The following JMJD7 variants were observed in gnomAD, a reference collection of about 807,000 sequenced individuals.
JMJD7 encodes the protein jumonji domain containing 7.
Under a neutral mutation model 41.1 loss-of-function variants are expected in JMJD7, and 41 were observed. The ratio of observed to expected loss-of-function variants is 1.00; its 90% CI spans 0.78 to 1.30. The LOEUF is 1.30. Ranked by LOEUF, JMJD7 falls within the 50% of genes most tolerant of loss-of-function variation. The pLI is 0.00. For missense variants in JMJD7, 480 were observed against 420.7 expected (o/e 1.14, Z -1.23); for synonymous variants, 202 against 177.2 (o/e 1.14, Z -1.11).
In JMJD7 at chr15:41,831,896, G is replaced by A. The variant is rs753431769; in HGVS notation, c.65-2844G>A. 2.0e-4 allele frequency among the ~76,000 whole-genome samples: 31 copies of A among 152,170 alleles called. 1 individual carries two copies. Among genetic ancestry groups the A allele is most frequent in the Non-Finnish European group, 3.8e-4 (26 of 68,034 alleles). On this transcript the variant is annotated intron_variant, in intron 1 of 7. Coordinates refer to ENST00000397299, the MANE Select transcript of JMJD7 (RefSeq NM_001114632.2). ...TAACATGAAGAGGACTGAACCATGC[G>A]TCTTGCTCGCCACATTGTGGGTGTC...
Position 41,831,631 on chromosome 15 carries a change from C to G in JMJD7, c.65-3109C>G, listed in dbSNP as rs575470724. On this transcript the variant is annotated intron_variant, in intron 1 of 7. Coordinates refer to ENST00000397299, the MANE Select transcript of JMJD7 (RefSeq NM_001114632.2). ...GAACAAAGCTCTGCTGAGCTGAACA[C>G]TCAACAGGACTACCTGCCTGCAGAG... Among the ~76,000 whole-genome samples, 12 of 152,310 alleles carry G rather than the reference C, an allele frequency of 7.9e-5. 1 individual carries two copies. In the South Asian group the frequency reaches 2.1e-3, roughly 26 times the overall value.
intron 1 of JMJD7, among the ~76,000 whole-genome samples, chr15:41,833,608 A>G (rs1295890530): frequency 6.6e-6 from 1 of 150,992 alleles, no homozygotes. Context: ...TTTTGTAGAG[A>G]TGGGGTCTCC....
chr15:41,834,780 C>G lies in JMJD7; in HGVS notation c.105C>G (p.Pro35=). ...TTGCTGTGCCCTACCTGGACAAACC[C>G]CCAACTCCGCTCCACTTCTACCGGG... ...VPLAVPYLDK[P]PTPLHFYRDW... Residue 35 remains proline, a synonymous_variant, in exon 2 of 8, where the codon CCC becomes CCG. Coordinates refer to ENST00000397299, the MANE Select transcript of JMJD7 (RefSeq NM_001114632.2). 6.2e-7 allele frequency: 1 copy of G among 1,614,184 alleles called. No homozygotes were observed. The highest frequency in any genetic ancestry group is 8.5e-7 in the Non-Finnish European group (1 of 1,180,044).
At chr15:41,836,750 GGCT>G (rs1366015262) in intron 6 of JMJD7, 28 bp from the exon 7 acceptor site, 1 of 1,575,930 alleles carries the variant, frequency 6.3e-7, no homozygotes, top group South Asian at 1.1e-5. Flanking sequence ...GGGTCTGGGG[GGCT>G]GCTCCCTGGC....
In JMJD7 at chr15:41,836,185, C is replaced by G; in HGVS notation, c.567C>G (p.Val189=). ...ACTATGAGAACCTCTACTGCGTGGT[C>G]TCAGGAGAGAAGCATTTCCTGTTCC... ...KDHYENLYCV[V]SGEKHFLFHP... is the part of the protein sequence containing the mutation. The change falls in exon 5 of 8, where the codon GTC becomes GTG. Residue 189 remains valine (V), a synonymous_variant. Transcript: ENST00000397299. 4 of 1,612,428 alleles carry G rather than the reference C, an allele frequency of 2.5e-6. No individual in the cohort carries two copies. Among genetic ancestry groups the G allele is most frequent in the Non-Finnish European group, 2.5e-6 (3 of 1,179,142 alleles).
chr15:41,830,530 T>A (rs2065214997), intron 1 of JMJD7, among the ~76,000 whole-genome samples: 1 of 152,056 alleles, frequency 6.6e-6, no homozygotes, highest in African/African-American at 2.4e-5. Context: ...CTAGGCGCAA[T>A]TACAGCCACC....
At chr15:41,834,671 A>T (rs2140879350) in intron 1 of JMJD7, 69 bp from the exon 2 acceptor site, 17 of 1,569,028 alleles carry the variant, frequency 1.1e-5, no homozygotes, top group Non-Finnish European at 1.5e-5. Flanking sequence ...CAGGGAGGGC[A>T]TCTCTTGGGC....
chr15:41,835,896 C>T (rs2065305846), intron 4 of JMJD7, among the ~76,000 whole-genome samples: 1 of 152,186 alleles, frequency 6.6e-6, no homozygotes, highest in African/African-American at 2.4e-5. Flanking sequence ...GCCCGCTGGG[C>T]CAGGGGGTAA....
intron 1 of JMJD7, chr15:41,832,564 G>C (rs1346194370): frequency 1.3e-5 from 2 of 152,468 alleles, no homozygotes; most frequent in East Asian, 3.8e-4. Context: ...CCACTTTGCT[G>C]TCTCCTGGAT....
intron 1 of JMJD7, among the ~76,000 whole-genome samples, chr15:41,830,849 G>T (rs746588085): frequency 6.6e-6 from 1 of 152,262 alleles, no homozygotes; most frequent in African/African-American, 2.4e-5. Context: ...TGGCCTTTGG[G>T]TGCCAACGAG....
intron 1 of JMJD7, among the ~76,000 whole-genome samples, chr15:41,829,511 C>A (rs1596109848): frequency 6.6e-6 from 1 of 152,190 alleles, no homozygotes; most frequent in South Asian, 2.1e-4. Context: ...CAAGGCTGGT[C>A]TCAGATTCCT....
intron 1 of JMJD7, 40 bp downstream of exon 1, chr15:41,828,228 C>G: frequency 1.3e-6 from 2 of 1,486,756 alleles, no homozygotes; most frequent in Non-Finnish European, 1.8e-6. Flanking sequence ...TTTCCGAACA[C>G]GGGAGGGGCC....
chr15:41,836,108 C>T, intron 4 of JMJD7, 40 bp from the exon 5 acceptor site: 7 of 1,545,156 alleles, frequency 4.5e-6, no homozygotes, highest in Non-Finnish European at 6.1e-6. Context: ...CGTGCCCCTG[C>T]CCTCCATACC....
intron 1 of JMJD7, among the ~76,000 whole-genome samples, chr15:41,834,114 TG>T (rs1316315330): frequency 6.6e-6 from 1 of 152,200 alleles, no homozygotes; most frequent in Non-Finnish European, 1.5e-5. Flanking sequence ...GAGATGGTGA[TG>T]CTGTTCAGCA....
Position 41,828,368 on chromosome 15 carries a change from G to A in JMJD7, c.64+180G>A. 4.2e-6 allele frequency: 3 copies of A among 710,038 alleles called. 1 individual carries two copies. In the South Asian group the frequency reaches 9.3e-5, roughly 22 times the overall value. The allele number at this position is 710,038 out of a possible 1,614,324, so 44.0% of individuals were successfully genotyped here. Reference sequence around the variant, plus strand: ...TTCGCGCGCTCCCGCGGCTTCCTGGGTGATTCTGTTCACGTTGTTCCCAAG... The same window carrying A: ...TTCGCGCGCTCCCGCGGCTTCCTGGATGATTCTGTTCACGTTGTTCCCAAG... On this transcript the variant is annotated intron_variant, in intron 1 of 7. Transcript: ENST00000397299.
intron 1 of JMJD7, among the ~76,000 whole-genome samples, chr15:41,830,142 G>T (rs2065208314): frequency 6.6e-6 from 1 of 152,126 alleles, no homozygotes; most frequent in Admixed American, 6.5e-5. Context: ...TGGCTGGGCA[G>T]GACCTGCTCC....
rs570723604 is a variant in JMJD7, at chr15:41,829,913, G to A, written c.64+1725G>A. 3.3e-5 allele frequency among the ~76,000 whole-genome samples: 5 copies of A among 152,346 alleles called. No individual in the cohort carries two copies. The East Asian group carries it at 9.6e-4, about 29-fold the overall frequency. On this transcript the variant is annotated intron_variant, in intron 1 of 7. Transcript: ENST00000397299. ...GTGAGACACCATCGTGTGGTGGCAT[G>A]TGCCTGTAGTCCCACCTCCTGAGGC... is the stretch of plus-strand genomic sequence containing the variant.
chr15:41,828,722 T>C (rs922926835), intron 1 of JMJD7, among the ~76,000 whole-genome samples: 1 of 152,218 alleles, frequency 6.6e-6, no homozygotes, highest in Non-Finnish European at 1.5e-5. Context: ...GGGTATGTAA[T>C]ATACAGTGGT....
rs367642682 is a variant in JMJD7 at position 41,832,209 on chromosome 15, A to T, written c.65-2531A>T. Among the ~76,000 whole-genome samples the T allele has an allele frequency of 7.2e-5, 11 of 151,878 alleles. No homozygotes were observed. The East Asian group carries it at 1.6e-3, about 21-fold the overall frequency. On this transcript the variant is annotated intron_variant, in intron 1 of 7. Transcript: ENST00000397299. Reference sequence around the variant, plus strand: ...AAACCCCACACTCATTCGCTCACACACCCCTCGCTGCCCCACTCGCCCTTG... The same window carrying T: ...AAACCCCACACTCATTCGCTCACACTCCCCTCGCTGCCCCACTCGCCCTTG...
Sources: allele counts gnomAD v4.1 joint callset (sites outside exome capture counted in the v4.1 genomes callset), GRCh38; gene constraint gnomAD v4.1.1; transcripts MANE v1.5; gene names NCBI Gene and HGNC (gene_info 2026-07-23, HGNC 2026-07-21).